The following MTA3 variants were observed in gnomAD, a reference collection of about 807,000 sequenced individuals.
The protein encoded by MTA3 is metastasis-associated protein MTA3.
A neutral mutation model predicts 83.5 loss-of-function variants in MTA3; 34 were observed. That is an observed-to-expected ratio of 0.41 (90% CI 0.31 to 0.54). The LOEUF is 0.54. Ranked by LOEUF, MTA3 falls within the 20% of genes least tolerant of loss-of-function variation. The pLI, the probability that MTA3 is intolerant of heterozygous loss-of-function variation, is 0.33. For synonymous variants in MTA3, 303 were observed against 252.7 expected, an observed-to-expected ratio of 1.20 and a Z score of -1.89; for missense variants, 761 against 726.4, an observed-to-expected ratio of 1.05 and a Z score of -0.55.
At chr2:42,727,698 G>A (rs1003469012) in intron 16 of MTA3, among the ~76,000 whole-genome samples, 1 of 152,012 alleles carries the variant, frequency 6.6e-6, no homozygotes, top group Non-Finnish European at 1.5e-5. Flanking sequence ...TGAATCACAT[G>A]GTTTTTTTTT....
intron 16 of MTA3, among the ~76,000 whole-genome samples, chr2:42,751,438 C>G (rs1669864088): frequency 6.6e-6 from 1 of 152,208 alleles, no homozygotes; most frequent in Admixed American, 6.5e-5. Flanking sequence ...TGCTACTGTG[C>G]TGAGTCTCTG....
chr2:42,741,331 G>A (rs535321093), intron 16 of MTA3, among the ~76,000 whole-genome samples: 3 of 152,278 alleles, frequency 2.0e-5, no homozygotes, highest in Non-Finnish European at 4.4e-5. Flanking sequence ...TTTCACTTTC[G>A]TATCATTCAT....
At chr2:42,500,964 C>G (rs1674368883) in intron 2 of MTA3, among the ~76,000 whole-genome samples, 2 of 152,014 alleles carry the variant, frequency 1.3e-5, no homozygotes, top group Admixed American at 1.3e-4. Context: ...GTGCCTGCCA[C>G]TACGCCCGGC....
In MTA3 at chr2:42,754,042, G is replaced by T. The variant is rs1670075111; in HGVS notation, c.*643G>T. On this transcript the variant is annotated 3_prime_UTR_variant, in exon 17 of 17. Coordinates refer to ENST00000405094, the MANE Select transcript of MTA3 (RefSeq NM_001330442.2). ...TCCTCCAAGGAACAGAATTACCGAG[G>T]TTCTGACAAAAGATAAGCCTGTAAA... is the stretch of plus-strand genomic sequence containing the variant. 1.0e-6 allele frequency: 1 copy of T among 985,376 alleles called. No individual in the cohort carries two copies. The highest frequency in any genetic ancestry group is 1.7e-5 in the African/African-American group (1 of 57,228). The allele number at this position is 985,376 out of a possible 1,614,324, so 61.0% of individuals were successfully genotyped here. A position where few individuals can be genotyped will look rare whatever the true frequency, so the allele number is the denominator to read the frequency against.
intron 3 of MTA3, among the ~76,000 whole-genome samples, chr2:42,583,837 G>A (rs1679951175): frequency 6.8e-6 from 1 of 147,440 alleles, no homozygotes; most frequent in Non-Finnish European, 1.5e-5. Context: ...GGCCATTATG[G>A]ACTCTTTTTT....
At chr2:42,713,434 G>A (rs1415074463) in intron 14 of MTA3, among the ~76,000 whole-genome samples, 7 of 152,142 alleles carry the variant, frequency 4.6e-5, no homozygotes, top group Non-Finnish European at 5.9e-5. Flanking sequence ...ATTTTTGGTA[G>A]AGAGTTTAAA....
chr2:42,586,354 G>A (rs962307417), intron 3 of MTA3, among the ~76,000 whole-genome samples: 2 of 150,774 alleles, frequency 1.3e-5, no homozygotes, highest in African/African-American at 2.4e-5. Context: ...GGAGGCCAAG[G>A]TAGGAGGACC....
At chr2:42,737,862 A>G (rs754621955) in intron 16 of MTA3, among the ~76,000 whole-genome samples, 1 of 152,210 alleles carries the variant, frequency 6.6e-6, no homozygotes, top group Non-Finnish European at 1.5e-5. Flanking sequence ...TACAGCATTT[A>G]CAGGCATACC....
At chr2:42,681,576 A>G (rs2104435616) in intron 8 of MTA3, among the ~76,000 whole-genome samples, 1 of 152,268 alleles carries the variant, frequency 6.6e-6, no homozygotes, top group Admixed American at 6.5e-5. Flanking sequence ...GCAGTGGCAC[A>G]GTCACAGCTG....
rs541302296 is a variant in MTA3, at chr2:42,536,722, G to C, written c.-140-33715G>C. On this transcript the variant is annotated intron_variant, in intron 2 of 17. Transcript: ENST00000405592. ...AAAATACAAAAAATTAGCCGGGCGT[G>C]GTAGCAGGCGCCTGTAGTCCCAGCT... 2.6e-5 allele frequency among the ~76,000 whole-genome samples: 4 copies of C among 152,016 alleles called. No individual in the cohort carries two copies. In the East Asian group the frequency reaches 7.8e-4, roughly 30 times the overall value.
intron 2 of MTA3, among the ~76,000 whole-genome samples, chr2:42,524,955 CTCTT>C (rs1297177062): frequency 1.5e-5 from 2 of 132,242 alleles, no homozygotes; most frequent in Non-Finnish European, 3.3e-5. Context: ...GCCTGTGGGT[CTCTT>C]TTTTTTTTTT....
At chr2:42,679,396 T>G (rs1691666715) in intron 8 of MTA3, among the ~76,000 whole-genome samples, 1 of 152,288 alleles carries the variant, frequency 6.6e-6, no homozygotes, top group East Asian at 1.9e-4. Context: ...CCGCTATCAT[T>G]AAGCAAATTG....
intron 2 of MTA3, among the ~76,000 whole-genome samples, chr2:42,550,482 G>C (rs1188320350): frequency 6.6e-6 from 1 of 152,158 alleles, no homozygotes; most frequent in Non-Finnish European, 1.5e-5. Flanking sequence ...TGTATATGCT[G>C]AGGGGTTCAC....
chr2:42,502,008 A>T (rs1026417318), intron 2 of MTA3, among the ~76,000 whole-genome samples: 18 of 152,164 alleles, frequency 1.2e-4, no homozygotes, highest in African/African-American at 3.6e-4. Flanking sequence ...ATTTAAATTT[A>T]AAAAAGACCC....
chr2:42,578,892 G>A (rs1462982064), intron 2 of MTA3, among the ~76,000 whole-genome samples: 1 of 152,116 alleles, frequency 6.6e-6, no homozygotes, highest in Non-Finnish European at 1.5e-5. Flanking sequence ...TAATGCCAGT[G>A]TTATTATATG....
chr2:42,525,804 C>T (rs1450508375), intron 2 of MTA3, among the ~76,000 whole-genome samples: 4 of 151,722 alleles, frequency 2.6e-5, no homozygotes, highest in African/African-American at 9.7e-5. Flanking sequence ...ACCACAGGTG[C>T]ACGCCACCAT....
chr2:42,524,935 A>T (rs1268767293), intron 2 of MTA3, among the ~76,000 whole-genome samples: 1 of 149,490 alleles, frequency 6.7e-6, no homozygotes, highest in Non-Finnish European at 1.5e-5. Context: ...TGAATTACCG[A>T]AGGTGAAGCG....
chr2:42,688,692 A>G (rs1194622645), intron 9 of MTA3, among the ~76,000 whole-genome samples: 4 of 150,202 alleles, frequency 2.7e-5, no homozygotes, highest in Non-Finnish European at 5.9e-5. Context: ...AGCCTTGTGA[A>G]TCTCTTGCAG....
chr2:42,691,562 C>G (rs1258390128), intron 9 of MTA3, among the ~76,000 whole-genome samples: 1 of 152,128 alleles, frequency 6.6e-6, no homozygotes, highest in African/African-American at 2.4e-5. Flanking sequence ...ACCACAATTA[C>G]AGTGTTATAA....
Sources: gnomAD v4.1 joint callset for allele counts (sites outside exome capture counted in the v4.1 genomes callset) on GRCh38, gnomAD v4.1.1 for gene constraint, MANE v1.5 for transcripts, NCBI Gene and HGNC (gene_info 2026-07-23, HGNC 2026-07-21) for gene names.